The following MCF2L variants were observed in gnomAD, a reference collection of about 807,000 sequenced individuals.
MCF2L encodes the protein MCF.2 cell line derived transforming sequence like.
In MCF2L, 97 loss-of-function variants were observed where a neutral mutation model predicts 153.4. The ratio of observed to expected loss-of-function variants is 0.63; its 90% CI spans 0.54 to 0.75. The LOEUF is 0.75. Among genes scored for constraint, MCF2L ranks in the 30% least tolerant of loss-of-function variants. The probability of loss-of-function intolerance (pLI) is 0.00; values close to 1 mark genes in which losing one functional copy is unlikely to be tolerated. For synonymous variants in MCF2L, 659 were observed against 632.2 expected, an observed-to-expected ratio of 1.04 and a Z score of -0.64; for missense variants, 1,347 against 1,495.2, an observed-to-expected ratio of 0.90 and a Z score of 1.64.
intron 3 of MCF2L, among the ~76,000 whole-genome samples, chr13:113,039,301 T>A (rs536364410): frequency 2.0e-5 from 3 of 152,334 alleles, no homozygotes; most frequent in Admixed American, 2.0e-4. Context: ...ATACAAAAGT[T>A]AATTCCAAAT....
chr13:113,041,084 T>C (rs1412326396), intron 3 of MCF2L: 2 of 152,138 alleles, frequency 1.3e-5, no homozygotes, highest in African/African-American at 4.8e-5. Context: ...TGTTGCGGAG[T>C]TGGCAGCTGA....
chr13:113,011,932 C>A (rs1594642153), intron 1 of MCF2L, among the ~76,000 whole-genome samples: 1 of 98,404 alleles, frequency 1.0e-5, no homozygotes, highest in Non-Finnish European at 2.1e-5. Context: ...GGTGGACAGG[C>A]GGTGTGGATG....
intron 1 of MCF2L, among the ~76,000 whole-genome samples, chr13:112,989,664 C>T (rs1158843886): frequency 1.4e-5 from 1 of 70,378 alleles, no homozygotes; most frequent in Admixed American, 1.3e-4. Flanking sequence ...CTACCACACC[C>T]GAGTCCTCCC....
intron 3 of MCF2L, among the ~76,000 whole-genome samples, chr13:113,034,489 C>T (rs1350559824): frequency 6.6e-6 from 1 of 152,126 alleles, no homozygotes; most frequent in Non-Finnish European, 1.5e-5. Flanking sequence ...TTGGGCTGCA[C>T]GATGGTTATG....
chr13:113,012,492 C>T lies in MCF2L; in HGVS notation c.80-2271C>T, dbSNP rs547659332. Among the ~76,000 whole-genome samples the T allele has an allele frequency of 1.3e-4, 14 of 104,646 alleles. 1 individual carries two copies. The highest frequency in any genetic ancestry group is 4.5e-4 in the South Asian group (1 of 2,208). The allele number at this position is 104,646 out of a possible 152,430, so 68.7% of individuals were successfully genotyped here. A position where few individuals can be genotyped will look rare whatever the true frequency, so the allele number is the denominator to read the frequency against. ...GTGGATGGTGGACAGGCGGTGTGGA[C>T]GGTGGACAGGCTGGGTGGATGGTGG... On this transcript the variant is annotated intron_variant, in intron 1 of 29. Coordinates refer to ENST00000535094, the MANE Select transcript of MCF2L (RefSeq NM_001112732.3).
rs145942237 is a variant in MCF2L at position 113,014,889 on chromosome 13, G to C, written c.163+43G>C. ...GGATGGGGTGGAGAGGGAGGGGTCT[G>C]GGGCCGGGTGTGGGCCGAGCAGCCC... On this transcript the variant is annotated intron_variant, in intron 2 of 29. Coordinates refer to ENST00000535094, the MANE Select transcript of MCF2L (RefSeq NM_001112732.3). 283 of 1,586,688 alleles carry C rather than the reference G, an allele frequency of 1.8e-4. 1 individual carries two copies. The East Asian group carries it at 6.3e-3, about 35-fold the overall frequency.
chr13:112,952,565 C>G (rs536017642), intron 2 of MCF2L, among the ~76,000 whole-genome samples: 1 of 152,144 alleles, frequency 6.6e-6, no homozygotes. Context: ...AATAACTTTG[C>G]CTTCCTTCTC....
chr13:112,929,120 C>T (rs2081436694), intron 2 of MCF2L, among the ~76,000 whole-genome samples: 3 of 152,210 alleles, frequency 2.0e-5, no homozygotes, highest in Admixed American at 1.3e-4. Context: ...TCGGTGTTTC[C>T]ACATCCCTTT....
chr13:113,030,342 G>A (rs1238307301), intron 3 of MCF2L, among the ~76,000 whole-genome samples: 6 of 148,010 alleles, frequency 4.1e-5, no homozygotes, highest in Admixed American at 2.0e-4. Flanking sequence ...GCCGACGCCC[G>A]GTGTGGACTC....
chr13:113,056,719 T>A (rs2029907491), intron 4 of MCF2L, among the ~76,000 whole-genome samples: 1 of 121,740 alleles, frequency 8.2e-6, no homozygotes, highest in African/African-American at 3.3e-5. Flanking sequence ...TGTGTTTGGG[T>A]GCTGAGTGGG....
intron 2 of MCF2L, chr13:112,909,629 G>C (rs2081210142): frequency 3.4e-6 from 1 of 290,378 alleles, no homozygotes; most frequent in South Asian, 8.9e-5. Context: ...AAATGAAGAG[G>C]GTTGTTTTGT....
intron 1 of MCF2L, among the ~76,000 whole-genome samples, chr13:112,896,038 G>A (rs1041265451): frequency 2.0e-5 from 3 of 152,226 alleles, no homozygotes; most frequent in East Asian, 1.9e-4. Flanking sequence ...GCTGGAATCC[G>A]TGAAGGGTCT....
chr13:113,059,312 C>T (rs974486592), intron 4 of MCF2L, among the ~76,000 whole-genome samples: 3 of 152,236 alleles, frequency 2.0e-5, no homozygotes, highest in Non-Finnish European at 4.4e-5. Context: ...CCTCAGGGCC[C>T]TCTTCTTATG....
intron 1 of MCF2L, among the ~76,000 whole-genome samples, chr13:113,005,119 T>TG (rs755163019): frequency 1.3e-5 from 2 of 152,092 alleles, no homozygotes; most frequent in Non-Finnish European, 2.9e-5. Flanking sequence ...GAAGATGATG[T>TG]GGGGCACACA....
At position 112,904,680 on chromosome 13, in the gene MCF2L, G is replaced by A. The variant is rs890554661; in HGVS notation, c.169+2309G>A. 5.9e-5 allele frequency among the ~76,000 whole-genome samples: 9 copies of A among 152,238 alleles called. No homozygotes were observed. The highest frequency in any genetic ancestry group is 2.9e-5 in the Non-Finnish European group (2 of 68,036). ...GATAATCTGCTTAGAGTTCTGAGCG[G>A]TGAAGCCCTTCTGGCTGTCCTTGCC... On this transcript the variant is annotated intron_variant, in intron 2 of 29. Transcript: ENST00000375608. This position sits in a 1 kb window ranked among gnomAD's most constrained non-coding sequence, Gnocchi z 4.2.
chr13:112,939,787 G>A (rs1477652644), intron 2 of MCF2L, among the ~76,000 whole-genome samples: 1 of 152,044 alleles, frequency 6.6e-6, no homozygotes, highest in Admixed American at 6.5e-5. Context: ...AGACCAGCCG[G>A]GCCAACATGA....
rs2035778025 is a variant in MCF2L at position 113,097,995 on chromosome 13, G to A, written c.*1136G>A. ...AACTCTTCTGTTTTACCAACTTCTT[G>A]TGTTTCAGAAACATATTCTGTTCAA... On this transcript the variant is annotated 3_prime_UTR_variant, in exon 30 of 30. Transcript: ENST00000535094. 3 of 152,250 alleles carry A rather than the reference G, an allele frequency of 2.0e-5. No homozygotes were observed. The South Asian group carries it at 6.2e-4, about 32-fold the overall frequency. The allele number at this position is 152,250 out of a possible 1,614,324, so 9.4% of individuals were successfully genotyped here. A position where few individuals can be genotyped will look rare whatever the true frequency, so the allele number is the denominator to read the frequency against.
At chr13:112,900,558 C>CTG (rs1464468174) in intron 1 of MCF2L, among the ~76,000 whole-genome samples, 13 of 151,782 alleles carry the variant, frequency 8.6e-5, no homozygotes, top group Admixed American at 5.9e-4. Flanking sequence ...TCTCGAAGGC[C>CTG]TGTGCCCTGA....
rs992198646 is a variant in MCF2L, at chr13:112,969,998, C to T, written c.79+540C>T. 2.2e-4 allele frequency among the ~76,000 whole-genome samples: 33 copies of T among 152,026 alleles called. No individual in the cohort carries two copies. Among genetic ancestry groups the T allele is most frequent in the Non-Finnish European group, 4.6e-4 (31 of 68,024 alleles). ...CTGGACGTTCATTTTCAGTATTAATCGAAATATTACTTCAAATAAGCTTTG... is the reference window on the plus strand; with the variant it reads ...CTGGACGTTCATTTTCAGTATTAATTGAAATATTACTTCAAATAAGCTTTG... On this transcript the variant is annotated intron_variant, in intron 1 of 29. Transcript: ENST00000535094. This position sits in a 1 kb window ranked among gnomAD's most constrained non-coding sequence, Gnocchi z 4.8.
Sources: allele counts gnomAD v4.1 joint callset (sites outside exome capture counted in the v4.1 genomes callset), GRCh38; gene constraint gnomAD v4.1.1; non-coding constraint Gnocchi (gnomAD v3.1); transcripts MANE v1.5; gene names NCBI Gene and HGNC (gene_info 2026-07-23, HGNC 2026-07-21).